FOCAD: variants seen among roughly 807,000 people sequenced by gnomAD.
FOCAD encodes the protein KIAA1797.
FOCAD carries 198 observed loss-of-function variants against 225.6 expected under a neutral mutation model. That is an observed-to-expected ratio of 0.88 (90% confidence interval 0.78 to 0.99). The LOEUF (loss-of-function observed/expected upper bound fraction) is 0.99, where lower values mean the gene tolerates loss of function less well. FOCAD is among the 50% of genes least tolerant of loss of function. The pLI, the probability that FOCAD is intolerant of heterozygous loss-of-function variation, is 0.00. For synonymous variants in FOCAD, 897 were observed against 755.0 expected, an observed-to-expected ratio of 1.19 and a Z score of -3.08; for missense variants, 2,713 against 2,123.6, an observed-to-expected ratio of 1.28 and a Z score of -5.46.
chr9:20,843,914 G>C lies in FOCAD; in HGVS notation c.1921-18664G>C, dbSNP rs150086085. On this transcript the variant is annotated intron_variant, in intron 15 of 43. Coordinates refer to ENST00000338382, the MANE Select transcript of FOCAD (RefSeq NM_001375567.1). ...ACCACTTAGGACTGGTTAGGGTTTAGAGTCAGCAGTTACAGAGCAATATTA... is the reference window on the plus strand; with the variant it reads ...ACCACTTAGGACTGGTTAGGGTTTACAGTCAGCAGTTACAGAGCAATATTA... 1.3e-3 allele frequency among the ~76,000 whole-genome samples: 205 copies of C among 152,234 alleles called. 6 individuals are homozygous for C. In the South Asian group the frequency reaches 0.02, roughly 15 times the overall value.
intron 2 of FOCAD, among the ~76,000 whole-genome samples, chr9:20,663,019 A>G (rs1821780825): frequency 6.6e-6 from 1 of 152,226 alleles, no homozygotes; most frequent in Non-Finnish European, 1.5e-5. Flanking sequence ...AATGTATCTT[A>G]TTCTCAGTAA....
At chr9:20,959,679 G>A (rs760335093) in intron 35 of FOCAD, among the ~76,000 whole-genome samples, 1 of 151,964 alleles carries the variant, frequency 6.6e-6, no homozygotes, top group Non-Finnish European at 1.5e-5. Flanking sequence ...TTACATTTAT[G>A]TCTTTGATGC....
At chr9:20,939,643 T>C (rs968291053) in intron 28 of FOCAD, among the ~76,000 whole-genome samples, 9 of 152,056 alleles carry the variant, frequency 5.9e-5, no homozygotes, top group African/African-American at 2.2e-4. Flanking sequence ...TTGTTACTAA[T>C]AAGTTTCTTA....
intron 11 of FOCAD, 133 bp downstream of exon 11, chr9:20,789,741 T>A: frequency 9.6e-7 from 1 of 1,044,716 alleles, no homozygotes; most frequent in Non-Finnish European, 1.4e-6. Context: ...TTTTTTGCTA[T>A]CTTTATCCTT....
At chr9:20,685,633 T>C (rs1427338729) in intron 1 of FOCAD, among the ~76,000 whole-genome samples, 2 of 152,230 alleles carry the variant, frequency 1.3e-5, no homozygotes, top group Non-Finnish European at 2.9e-5. Context: ...TGCATAAAAA[T>C]GCAATTTTCA....
intron 35 of FOCAD, among the ~76,000 whole-genome samples, chr9:20,953,712 G>C (rs1837889767): frequency 6.6e-6 from 1 of 152,186 alleles, no homozygotes; most frequent in African/African-American, 2.4e-5. Flanking sequence ...GGAAAAAATG[G>C]ATTAGAACTG....
Position 20,799,700 on chromosome 9 carries a change from G to A in FOCAD, c.1455+10092G>A, listed in dbSNP as rs12343279. 7.5e-3 allele frequency among the ~76,000 whole-genome samples: 1,135 copies of A among 152,022 alleles called. 15 individuals are homozygous for A. The highest frequency in any genetic ancestry group is 0.027 in the African/African-American group (1,100 of 41,464). ...CCTTTTTTTGTTTTCCATTTGCTTGGTAGATCTTCCTCCATCCCTTTATTT... is the reference window on the plus strand; with the variant it reads ...CCTTTTTTTGTTTTCCATTTGCTTGATAGATCTTCCTCCATCCCTTTATTT... On this transcript the variant is annotated intron_variant, in intron 11 of 43. Transcript: ENST00000338382.
Position 20,910,378 on chromosome 9 carries a change from C to A in FOCAD, c.2719-2488C>A, listed in dbSNP as rs115521613. ...AAGCAAATTGACTGTAGACATTTTTCATGAATTGGCCAGCTAGTTGCCAAA... is the reference window on the plus strand; with the variant it reads ...AAGCAAATTGACTGTAGACATTTTTAATGAATTGGCCAGCTAGTTGCCAAA... On this transcript the variant is annotated intron_variant, in intron 22 of 43. Transcript: ENST00000338382. Among the ~76,000 whole-genome samples, 385 of 152,190 alleles carry A rather than the reference C, an allele frequency of 2.5e-3. 1 individual carries two copies. The highest frequency in any genetic ancestry group is 8.7e-3 in the African/African-American group (363 of 41,548).
At chr9:20,761,574 C>G (rs1396189101) in intron 6 of FOCAD, among the ~76,000 whole-genome samples, 1 of 152,076 alleles carries the variant, frequency 6.6e-6, no homozygotes, top group Non-Finnish European at 1.5e-5. Context: ...GTGCCCGCCA[C>G]CATGCCTGGC....
chr9:20,899,691 A>G (rs1832402338), intron 21 of FOCAD, among the ~76,000 whole-genome samples: 1 of 151,986 alleles, frequency 6.6e-6, no homozygotes, highest in Non-Finnish European at 1.5e-5. Context: ...TGGTTGCTAA[A>G]CTAAGTAATT....
intron 21 of FOCAD, among the ~76,000 whole-genome samples, chr9:20,887,291 A>G (rs1037569263): frequency 6.6e-6 from 1 of 150,808 alleles, no homozygotes; most frequent in Non-Finnish European, 1.5e-5. Context: ...CTGGAGTGCA[A>G]TGGTGCAATC....
At chr9:20,823,165 A>G (rs773824098) in intron 15 of FOCAD, 50 bp downstream of exon 15, 1 of 1,560,250 alleles carries the variant, frequency 6.4e-7, no homozygotes, top group East Asian at 2.3e-5. Context: ...ATCTTTTATA[A>G]GGCAGAGTGG....
At chr9:20,819,701 A>G in intron 11 of FOCAD, 95 bp from the exon 12 acceptor site, 1 of 558,466 alleles carries the variant, frequency 1.8e-6, no homozygotes, top group Non-Finnish European at 3.0e-6. Context: ...ATTCATATTC[A>G]TATTATTCCT....
At chr9:20,848,311 T>C (rs1362729113) in intron 15 of FOCAD, among the ~76,000 whole-genome samples, 1 of 152,092 alleles carries the variant, frequency 6.6e-6, no homozygotes, top group Non-Finnish European at 1.5e-5. Flanking sequence ...TTGGTCTCTC[T>C]AAGCATGCAT....
chr9:20,724,734 CA>C (rs914252673), intron 4 of FOCAD, among the ~76,000 whole-genome samples: 36 of 145,552 alleles, frequency 2.5e-4, no homozygotes, highest in South Asian at 6.6e-4. Flanking sequence ...TTTATGTTTA[CA>C]AAAAAAAAAC....
At chr9:20,664,884 T>C (rs2131264942) in intron 2 of FOCAD, among the ~76,000 whole-genome samples, 1 of 152,338 alleles carries the variant, frequency 6.6e-6, no homozygotes, top group East Asian at 1.9e-4. Flanking sequence ...ATGTCATATT[T>C]ACCTCAATAA....
chr9:20,837,511 A>G (rs1826105495), intron 15 of FOCAD, among the ~76,000 whole-genome samples: 1 of 152,034 alleles, frequency 6.6e-6, no homozygotes, highest in Non-Finnish European at 1.5e-5. Flanking sequence ...CAGTGAATAA[A>G]ATATACTGGT....
At chr9:20,743,501 A>G (rs1827794731) in intron 5 of FOCAD, among the ~76,000 whole-genome samples, 1 of 152,106 alleles carries the variant, frequency 6.6e-6, no homozygotes, top group South Asian at 2.1e-4. Context: ...GTGGACAGAA[A>G]ACAAGAGATA....
At chr9:20,855,226 G>GT (rs1828048208) in intron 15 of FOCAD, among the ~76,000 whole-genome samples, 1 of 151,362 alleles carries the variant, frequency 6.6e-6, no homozygotes, top group Non-Finnish European at 1.5e-5. Context: ...GTTTAAAATG[G>GT]TGATACATGG....
Sources: allele counts gnomAD v4.1 joint callset (sites outside exome capture counted in the v4.1 genomes callset), GRCh38; gene constraint gnomAD v4.1.1; transcripts MANE v1.5; gene names NCBI Gene and HGNC (gene_info 2026-07-23, HGNC 2026-07-21).